RASGRF2: variants seen among roughly 807,000 people sequenced by gnomAD.
RASGRF2 encodes ras-specific guanine nucleotide-releasing factor 2.
Under a neutral mutation model 151.0 loss-of-function variants are expected in RASGRF2, and 76 were observed. That is an observed-to-expected ratio of 0.50 (90% confidence interval 0.42 to 0.61). RASGRF2 has a LOEUF of 0.61. RASGRF2 is among the 20% of genes least tolerant of loss of function. The pLI is 0.00. For synonymous variants in RASGRF2, 504 were observed against 566.5 expected (o/e 0.89, Z 1.57); for missense variants, 1,148 against 1,564.6 (o/e 0.73, Z 4.49).
At chr5:81,130,156 C>G (rs1753579103) in intron 17 of RASGRF2, among the ~76,000 whole-genome samples, 1 of 152,328 alleles carries the variant, frequency 6.6e-6, no homozygotes, top group East Asian at 1.9e-4. Context: ...CGAGCTGGCT[C>G]CTGGTGGTGC....
At chr5:81,220,396 A>G (rs1342754618) in intron 26 of RASGRF2, among the ~76,000 whole-genome samples, 1 of 152,218 alleles carries the variant, frequency 6.6e-6, no homozygotes, top group African/African-American at 2.4e-5. Flanking sequence ...AGTAGAGAAA[A>G]TTCCCATATA....
intron 18 of RASGRF2, among the ~76,000 whole-genome samples, chr5:81,184,304 G>T (rs746557079): frequency 4.6e-5 from 7 of 152,202 alleles, no homozygotes; most frequent in Non-Finnish European, 1.0e-4. Context: ...GTCCCTGCAG[G>T]TTTCAGACCT....
chr5:81,202,264 G>A (rs1489973952), intron 19 of RASGRF2, among the ~76,000 whole-genome samples: 1 of 152,052 alleles, frequency 6.6e-6, no homozygotes, highest in African/African-American at 2.4e-5. Flanking sequence ...TCTCTGCCAG[G>A]GTCTGGTACT....
chr5:81,044,279 A>G (rs551242430), intron 2 of RASGRF2, among the ~76,000 whole-genome samples: 2 of 152,224 alleles, frequency 1.3e-5, no homozygotes, highest in South Asian at 4.2e-4. Flanking sequence ...TTAGCCGGGC[A>G]TGGTGGCACA....
chr5:81,046,658 G>A lies in RASGRF2; in HGVS notation c.395+3675G>A, dbSNP rs1750845565. Among the ~76,000 whole-genome samples, 3 of 151,996 alleles carry A rather than the reference G, an allele frequency of 2.0e-5. No homozygotes were observed. In the South Asian group the frequency reaches 6.2e-4, roughly 32 times the overall value. On this transcript the variant is annotated intron_variant, in intron 2 of 26. Transcript: ENST00000265080. The stretch of plus-strand genomic sequence containing the variant: ...TTTATGTGGTTGCTACTTGAGTATG[G>A]AACTCTGGACATAAAAAATAACCTG...
intron 15 of RASGRF2, 62 bp from the exon 16 acceptor site, chr5:81,123,580 T>C (rs1753369793): frequency 3.8e-6 from 6 of 1,568,058 alleles, no homozygotes; most frequent in Non-Finnish European, 5.2e-6. Context: ...CCATGCATGA[T>C]ACTGACAAGA....
At chr5:81,081,594 C>T (rs1752088502) in intron 7 of RASGRF2, among the ~76,000 whole-genome samples, 1 of 152,146 alleles carries the variant, frequency 6.6e-6, no homozygotes, top group African/African-American at 2.4e-5. Context: ...GGCTTCTGGC[C>T]AGGCCTCCAA....
At chr5:81,063,926 G>C (rs1751518509) in intron 2 of RASGRF2, among the ~76,000 whole-genome samples, 1 of 151,874 alleles carries the variant, frequency 6.6e-6, no homozygotes, top group African/African-American at 2.4e-5. Flanking sequence ...AATTAGCTTT[G>C]TTTCTTTTAA....
intron 15 of RASGRF2, among the ~76,000 whole-genome samples, chr5:81,120,335 G>T (rs1205491671): frequency 6.6e-6 from 1 of 152,166 alleles, no homozygotes; most frequent in African/African-American, 2.4e-5. Flanking sequence ...CCAGCACTTT[G>T]GGAGGCCGAG....
intron 1 of RASGRF2, among the ~76,000 whole-genome samples, chr5:81,038,786 G>C (rs1054940033): frequency 6.6e-6 from 1 of 151,824 alleles, no homozygotes; most frequent in African/African-American, 2.4e-5. Context: ...ATGTTGCCCA[G>C]GCTGGTCTCA....
chr5:81,092,767 A>T lies in RASGRF2; in HGVS notation c.1391-34A>T, dbSNP rs755578671. 5.1e-6 allele frequency: 8 copies of T among 1,582,156 alleles called. No individual in the cohort carries two copies. The South Asian group carries it at 9.2e-5, about 18-fold the overall frequency. On this transcript the variant is annotated intron_variant, in intron 9 of 26. Transcript: ENST00000265080. The stretch of plus-strand genomic sequence containing the variant: ...ATGGTCCTCACTTGACAGAATTTTA[A>T]TTGCTGTGTATTCTTCATTTTTGTA...
chr5:81,154,790 A>G (rs1754222656), intron 17 of RASGRF2, among the ~76,000 whole-genome samples: 1 of 152,198 alleles, frequency 6.6e-6, no homozygotes, highest in Admixed American at 6.5e-5. Context: ...CTTTGTGTAT[A>G]TATACACACA....
In RASGRF2 at chr5:81,225,911, G is replaced by GT. The variant is rs1755990032; in HGVS notation, c.*142dup. 2 of 915,972 alleles carry GT rather than the reference G, an allele frequency of 2.2e-6. No homozygotes were observed. The highest frequency in any genetic ancestry group is 3.0e-6 in the Non-Finnish European group (2 of 658,872). 56.7% of individuals were successfully genotyped at this position (915,972 alleles called of 1,614,324 possible). On this transcript the variant is annotated 3_prime_UTR_variant, in exon 27 of 27. Transcript: ENST00000265080. ...GAAGATGGAACCAGACTGGAATTCTGTCTCCAGAGAGAAACCCAGCTGTTT... is the reference window on the plus strand; with the variant it reads ...GAAGATGGAACCAGACTGGAATTCTGTTCTCCAGAGAGAAACCCAGCTGTTT...
chr5:81,015,945 G>C (rs1749621041), intron 1 of RASGRF2, among the ~76,000 whole-genome samples: 1 of 152,154 alleles, frequency 6.6e-6, no homozygotes, highest in South Asian at 2.1e-4. Context: ...AATTTGATAA[G>C]TGTAACTGAT....
rs777408708 is a variant in RASGRF2 at position 81,128,812 on chromosome 5, G to A, written c.2686+1649G>A. 1.5e-4 allele frequency among the ~76,000 whole-genome samples: 23 copies of A among 152,170 alleles called. No homozygotes were observed. In the East Asian group the frequency reaches 1.7e-3, roughly 12 times the overall value. On this transcript the variant is annotated intron_variant, in intron 17 of 26. Coordinates refer to ENST00000265080, the MANE Select transcript of RASGRF2 (RefSeq NM_006909.3). ...CATTATCTCTTTCCTCTTCTCTCAC[G>A]TGCAAGGAGGATATTATGTTAAAAT...
Position 80,981,334 on chromosome 5 carries a change from T to C in RASGRF2, c.288+20308T>C, listed in dbSNP as rs372628354. 3.9e-5 allele frequency among the ~76,000 whole-genome samples: 6 copies of C among 152,274 alleles called. 1 individual carries two copies. The highest frequency in any genetic ancestry group is 1.4e-4 in the African/African-American group (6 of 41,548). The stretch of plus-strand genomic sequence containing the variant: ...TGGTATCATGGTTTTGCTTTAAAAA[T>C]TGTGGTACCTGTACTTTCTGATAGC... On this transcript the variant is annotated intron_variant, in intron 1 of 26. Transcript: ENST00000265080.
Position 81,146,366 on chromosome 5 carries a change from A to G in RASGRF2, c.2686+19203A>G, listed in dbSNP as rs572115668. On this transcript the variant is annotated intron_variant, in intron 17 of 26. Coordinates refer to ENST00000265080, the MANE Select transcript of RASGRF2 (RefSeq NM_006909.3). ...TTGAAGATGAAATTGAAGCTGGCCTATGTGACACATTCTATGTACCCTAGC... is the reference window on the plus strand; with the variant it reads ...TTGAAGATGAAATTGAAGCTGGCCTGTGTGACACATTCTATGTACCCTAGC... 3.9e-5 allele frequency among the ~76,000 whole-genome samples: 6 copies of G among 152,262 alleles called. No homozygotes were observed. The East Asian group carries it at 9.6e-4, about 24-fold the overall frequency.
chr5:81,096,577 C>T (rs1752553919), intron 12 of RASGRF2: 1 of 152,118 alleles, frequency 6.6e-6, no homozygotes, highest in African/African-American at 2.4e-5. Flanking sequence ...AGGTGTTTTT[C>T]CACCTGCTTC....
intron 12 of RASGRF2, among the ~76,000 whole-genome samples, chr5:81,107,012 G>C (rs1189786339): frequency 1.3e-5 from 2 of 152,032 alleles, no homozygotes; most frequent in Admixed American, 1.3e-4. Flanking sequence ...TGTGTGTTTG[G>C]AATTGTACTT....
Sources: gnomAD v4.1 joint callset for allele counts (sites outside exome capture counted in the v4.1 genomes callset) on GRCh38, gnomAD v4.1.1 for gene constraint, MANE v1.5 for transcripts, NCBI Gene and HGNC (gene_info 2026-07-23, HGNC 2026-07-21) for gene names.